AKAP12: variants seen among roughly 807,000 people sequenced by gnomAD.
The protein encoded by AKAP12 is A-kinase anchor protein 12.
Under a neutral mutation model 79.9 loss-of-function variants are expected in AKAP12, and 32 were observed. The ratio of observed to expected loss-of-function variants is 0.40; its 90% CI spans 0.30 to 0.54. The LOEUF (loss-of-function observed/expected upper bound fraction) is 0.54, where lower values mean the gene tolerates loss of function less well. Among genes scored for constraint, AKAP12 ranks in the 20% least tolerant of loss-of-function variants. AKAP12 has a pLI of 0.48. For missense variants in AKAP12, 2,074 were observed against 2,177.0 expected (o/e 0.95, Z 0.94); for synonymous variants, 808 against 857.0 (o/e 0.94, Z 1.00).
chr6:151,243,799 C>T (rs1231199141), intron 2 of AKAP12, among the ~76,000 whole-genome samples: 2 of 152,094 alleles, frequency 1.3e-5, no homozygotes, highest in Non-Finnish European at 2.9e-5. Context: ...GACCTGAATG[C>T]TGGTGGTAAG....
intron 2 of AKAP12, among the ~76,000 whole-genome samples, chr6:151,284,752 T>G (rs940649738): frequency 6.6e-6 from 1 of 152,204 alleles, no homozygotes; most frequent in Admixed American, 6.5e-5. Flanking sequence ...TGGTACACTT[T>G]CTCTTATCAA....
At chr6:151,354,471 T>C (rs1024036856) in intron 4 of AKAP12, among the ~76,000 whole-genome samples, 3 of 152,180 alleles carry the variant, frequency 2.0e-5, no homozygotes, top group African/African-American at 4.8e-5. Context: ...CCTCCCAGGT[T>C]CACGCCATTC....
In AKAP12 at chr6:151,356,757, AAATATTTGCTTCACTTAGATTTGC is replaced by A; in HGVS notation, c.*1044_*1067del. 1 of 152,370 alleles carries A rather than the reference AAATATTTGCTTCACTTAGATTTGC, an allele frequency of 6.6e-6. No homozygotes were observed. The highest frequency in any genetic ancestry group is 1.9e-4 in the East Asian group (1 of 5,188). 9.4% of individuals were successfully genotyped at this position (152,370 alleles called of 1,614,324 possible). A position where few individuals can be genotyped will look rare whatever the true frequency, so the allele number is the denominator to read the frequency against. ...TGTGATTTGACGACTGATTTAAATAAAATATTTGCTTCACTTAGATTTGCTGGTTTTATTAGATACCAGGAAGCC... is the reference window on the plus strand; with the variant it reads ...TGTGATTTGACGACTGATTTAAATAATGGTTTTATTAGATACCAGGAAGCC... On this transcript the variant is annotated 3_prime_UTR_variant, in exon 5 of 5. Coordinates refer to ENST00000402676, the MANE Select transcript of AKAP12 (RefSeq NM_005100.4).
At chr6:151,285,442 C>A (rs1776486398) in intron 2 of AKAP12, among the ~76,000 whole-genome samples, 1 of 145,572 alleles carries the variant, frequency 6.9e-6, no homozygotes, top group East Asian at 2.0e-4. Flanking sequence ...CTACTGATTA[C>A]CAAAGAGCTT....
chr6:151,324,360 A>G, intron 3 of AKAP12: 12 of 985,410 alleles, frequency 1.2e-5, no homozygotes, highest in Non-Finnish European at 1.4e-5. Context: ...TCTGGTTACC[A>G]GCAAGGAAGC....
intron 2 of AKAP12, among the ~76,000 whole-genome samples, chr6:151,295,546 C>G (rs894145755): frequency 6.6e-6 from 1 of 152,136 alleles, no homozygotes; most frequent in South Asian, 2.1e-4. Context: ...CCGTTCCAGC[C>G]GCCTTCCTTA....
intron 2 of AKAP12, among the ~76,000 whole-genome samples, chr6:151,258,834 G>C (rs1275837204): frequency 4.0e-5 from 6 of 151,610 alleles, no homozygotes; most frequent in Non-Finnish European, 5.9e-5. Flanking sequence ...CACCATGTTA[G>C]TCAGGCTGGT....
rs773733401 is a variant in AKAP12 at position 151,352,281 on chromosome 6, A to C, written c.3890A>C (p.Glu1297Ala). 3.1e-6 allele frequency: 5 copies of C among 1,614,198 alleles called. No individual in the cohort carries two copies. The South Asian group carries it at 5.5e-5, about 18-fold the overall frequency. Residue 1297 changes from glutamate to alanine, a missense_variant, in exon 4 of 5, where the codon GAA becomes GCA. By Grantham distance (107) the Glu-to-Ala change is moderately radical (BLOSUM62 -1). Around this residue, in one of 3 missense-constraint regions of AKAP12, gnomAD observed 614 missense variants for 665.6 expected, o/e 0.92. Coordinates refer to ENST00000402676, the MANE Select transcript of AKAP12 (RefSeq NM_005100.4). ...GACACAGGCATAACAGTCAGTCGGG[A>C]AAAGGTCACTGAAGTTGCCCTTAAA... ...SIDTGITVSR[E>A]KVTEVALKGE...
chr6:151,241,396 G>A (rs1796973178), intron 2 of AKAP12, among the ~76,000 whole-genome samples: 1 of 152,240 alleles, frequency 6.6e-6, no homozygotes, highest in African/African-American at 2.4e-5. Flanking sequence ...ACCAGCCAGC[G>A]CCCTCGCGTT....
Position 151,336,545 on chromosome 6 carries a change from G to T in AKAP12, c.320-12166G>T, listed in dbSNP as rs1166463061. Among the ~76,000 whole-genome samples, 7 of 152,248 alleles carry T rather than the reference G, an allele frequency of 4.6e-5. No individual in the cohort carries two copies. In the East Asian group the frequency reaches 1.2e-3, roughly 25 times the overall value. ...GGATCACCTGAAGTCAGCAGTTCAA[G>T]ACCAACATGGCCAACATGGTGAAAC... On this transcript the variant is annotated intron_variant, in intron 3 of 4. Transcript: ENST00000402676.
At chr6:151,276,580 C>A (rs1776294718) in intron 2 of AKAP12, among the ~76,000 whole-genome samples, 1 of 152,232 alleles carries the variant, frequency 6.6e-6, no homozygotes, top group South Asian at 2.1e-4. Flanking sequence ...CAGTGCTGAC[C>A]AGCCTTGCAG....
intron 3 of AKAP12, among the ~76,000 whole-genome samples, chr6:151,342,063 T>A (rs1205780534): frequency 6.6e-6 from 1 of 152,194 alleles, no homozygotes; most frequent in Non-Finnish European, 1.5e-5. Flanking sequence ...GGGGTTGGAA[T>A]GGACATGGCT....
intron 2 of AKAP12, among the ~76,000 whole-genome samples, chr6:151,281,433 C>T (rs1038465703): frequency 4.6e-4 from 70 of 152,156 alleles, no homozygotes; most frequent in African/African-American, 1.5e-3. Context: ...TGTATTGGTT[C>T]GCTATTTTAA....
chr6:151,348,765 C>T lies in AKAP12; in HGVS notation c.374C>T (p.Ala125Val), dbSNP rs761245483. Reference sequence around the variant, plus strand: ...AAAAGAGACTCCGATAAAGAGATGGCTACTAAGTCAGCGGTTGTTCACGAC... The same window carrying T: ...AAAAGAGACTCCGATAAAGAGATGGTTACTAAGTCAGCGGTTGTTCACGAC... ...VSKRDSDKEM[A>V]TKSAVVHDIT... The change falls in exon 4 of 5, where the codon GCT (alanine) becomes GTT (valine). Residue 125 changes from alanine to valine, a missense_variant. Physicochemically the swap from Ala to Val is moderately conservative, Grantham distance 64 (BLOSUM62 0). Transcript: ENST00000402676. 1.0e-5 allele frequency: 14 copies of T among 1,400,934 alleles called. No homozygotes were observed. The South Asian group carries it at 1.4e-4, about 14-fold the overall frequency. 86.8% of individuals were successfully genotyped at this position (1,400,934 alleles called of 1,614,324 possible).
chr6:151,348,588 G>A (rs542775707), intron 3 of AKAP12, 123 bp from the exon 4 acceptor site: 5 of 726,156 alleles, frequency 6.9e-6, no homozygotes, highest in South Asian at 3.7e-5. Flanking sequence ...GCAGTGAGCC[G>A]AGACCACACC....
chr6:151,267,178 G>C (rs1299564243), intron 2 of AKAP12, among the ~76,000 whole-genome samples: 1 of 152,074 alleles, frequency 6.6e-6, no homozygotes, highest in Non-Finnish European at 1.5e-5. Flanking sequence ...TTGAGGATGA[G>C]GGAGAATATA....
chr6:151,341,833 G>A, intron 3 of AKAP12: 1 of 1,275,894 alleles, frequency 7.8e-7, no homozygotes, highest in Non-Finnish European at 1.0e-6. Flanking sequence ...CCAGGCTTGG[G>A]AAAGCCTCTC....
chr6:151,310,182 G>C (rs143454003), intron 3 of AKAP12, among the ~76,000 whole-genome samples: 1 of 151,918 alleles, frequency 6.6e-6, no homozygotes, highest in South Asian at 2.1e-4. Context: ...GGCCAACATG[G>C]TGAAACCCCG....
At chr6:151,325,022 C>G (rs1562739690) in intron 3 of AKAP12, 2 of 985,340 alleles carry the variant, frequency 2.0e-6, no homozygotes, top group African/African-American at 3.5e-5. Flanking sequence ...AGACCCCATG[C>G]TCAAGTCTGC....
Sources: gnomAD v4.1 joint callset for allele counts (sites outside exome capture counted in the v4.1 genomes callset) on GRCh38, gnomAD v4.1.1 for gene constraint, gnomAD v4.1.1 regional missense constraint, MANE v1.5 for transcripts, NCBI Gene and HGNC (gene_info 2026-07-23, HGNC 2026-07-21) for gene names.